RAB2A: variants seen among roughly 807,000 people sequenced by gnomAD.
RAB2A encodes ras-related protein Rab-2A.
Under a neutral mutation model 32.5 loss-of-function variants are expected in RAB2A, and 7 were observed. The ratio of observed to expected loss-of-function variants is 0.22; its 90% CI spans 0.12 to 0.40. The LOEUF is 0.40. Ranked by LOEUF, RAB2A falls within the 10% of genes least tolerant of loss-of-function variation. The pLI, the probability that RAB2A is intolerant of heterozygous loss-of-function variation, is 1.00. For synonymous variants in RAB2A, 79 were observed against 85.2 expected (o/e 0.93, Z 0.40); for missense variants, 108 against 260.7 (o/e 0.41, Z 4.03).
chr8:60,602,713 G>T (rs895443157), intron 6 of RAB2A, among the ~76,000 whole-genome samples: 1 of 152,188 alleles, frequency 6.6e-6, no homozygotes, highest in Non-Finnish European at 1.5e-5. Context: ...TAAATGTTAG[G>T]CATGCATGGC....
At chr8:60,548,508 C>G (rs867506043) in intron 1 of RAB2A, among the ~76,000 whole-genome samples, 1 of 39,432 alleles carries the variant, frequency 2.5e-5, no homozygotes, top group Non-Finnish European at 3.9e-5. Context: ...GCTGGCCGGG[C>G]GGGGGGCTGA....
intron 5 of RAB2A, among the ~76,000 whole-genome samples, chr8:60,586,226 A>C (rs1432851312): frequency 6.6e-6 from 1 of 152,110 alleles, no homozygotes; most frequent in East Asian, 1.9e-4. Flanking sequence ...ACTTGAGCCC[A>C]GTTGAGGCTG....
At chr8:60,547,704 C>T (rs1807761250) in intron 1 of RAB2A, among the ~76,000 whole-genome samples, 1 of 114,102 alleles carries the variant, frequency 8.8e-6, no homozygotes, top group African/African-American at 3.2e-5. Flanking sequence ...GGCGGGGGGG[C>T]TGACCCCCCC....
At chr8:60,539,743 G>C (rs2272621) in intron 1 of RAB2A, among the ~76,000 whole-genome samples, 81,044 of 151,998 alleles carry the variant, frequency 0.53, 24,466 homozygotes, top group African/African-American at 0.83. Flanking sequence ...GGGGGAATGC[G>C]TTTTTCCTCC....
intron 6 of RAB2A, among the ~76,000 whole-genome samples, chr8:60,608,052 C>T (rs952970146): frequency 2.6e-5 from 4 of 152,188 alleles, no homozygotes; most frequent in African/African-American, 9.7e-5. Context: ...CGGCCAAGGT[C>T]ATCCTGGTCT....
intron 6 of RAB2A, among the ~76,000 whole-genome samples, chr8:60,598,971 A>AAAAAAAAAAAAAAG (rs1563482794): frequency 7.0e-6 from 1 of 142,056 alleles, no homozygotes; most frequent in African/African-American, 2.7e-5. Flanking sequence ...AAAAAAGAAA[A>AAAAAAAAAAAAAAG]GGCATACAAC....
chr8:60,583,988 A>C lies in RAB2A; in HGVS notation c.187-220A>C, dbSNP rs1201296295. ...AGGTCTTGCGGGCTGGGGAGGTTGC[A>C]GGAGCGACTACATGTGCACTACATG... On this transcript the variant is annotated intron_variant, in intron 3 of 7. Transcript: ENST00000262646. The C allele has an allele frequency of 1.3e-5, 5 of 398,156 alleles. No homozygotes were observed. The South Asian group carries it at 1.3e-4, about 10-fold the overall frequency. The allele number at this position is 398,156 out of a possible 1,614,324, so 24.7% of individuals were successfully genotyped here.
rs1308899920 is a variant in RAB2A, at chr8:60,621,717, C to T, written c.*948C>T. ...CTTTTTTCTTTTATTCACATGATTT[C>T]TAAGTATATTTTTCATGCAGGACAG... is the stretch of plus-strand genomic sequence containing the variant. On this transcript the variant is annotated 3_prime_UTR_variant, in exon 8 of 8. Coordinates refer to ENST00000262646, the MANE Select transcript of RAB2A (RefSeq NM_002865.3). 1 of 152,082 alleles carries T rather than the reference C, an allele frequency of 6.6e-6. No homozygotes were observed. The highest frequency in any genetic ancestry group is 1.5e-5 in the Non-Finnish European group (1 of 68,002). 9.4% of individuals were successfully genotyped at this position (152,082 alleles called of 1,614,324 possible).
chr8:60,601,243 G>A (rs1804130112), intron 6 of RAB2A, among the ~76,000 whole-genome samples: 2 of 93,488 alleles, frequency 2.1e-5, no homozygotes, highest in African/African-American at 6.3e-5. Context: ...TCTGCACAGG[G>A]CAAACTTTTA....
At position 60,620,586 on chromosome 8, in the gene RAB2A, G is replaced by A. The variant is rs147957071; in HGVS notation, c.544-88G>A. 2.1e-4 allele frequency: 201 copies of A among 948,450 alleles called. No individual in the cohort carries two copies. In the African/African-American group the frequency reaches 2.9e-3, roughly 14 times the overall value. 58.8% of individuals were successfully genotyped at this position (948,450 alleles called of 1,614,324 possible). ...TTTTTCTCAGTTGTTTGATAAAATT[G>A]TATCATAAAGAATTAAATGAGTTTT... On this transcript the variant is annotated intron_variant, in intron 7 of 7. Coordinates refer to ENST00000262646, the MANE Select transcript of RAB2A (RefSeq NM_002865.3).
At chr8:60,536,226 A>T (rs1807554611) in intron 1 of RAB2A, among the ~76,000 whole-genome samples, 1 of 152,236 alleles carries the variant, frequency 6.6e-6, no homozygotes, top group Non-Finnish European at 1.5e-5. Context: ...TGTGTATATT[A>T]ACTGATGCCT....
chr8:60,590,195 A>T (rs891768096), intron 5 of RAB2A, among the ~76,000 whole-genome samples: 2 of 151,962 alleles, frequency 1.3e-5, no homozygotes, highest in Non-Finnish European at 2.9e-5. Context: ...TCCTAACCTG[A>T]GGTGATCCAC....
At chr8:60,588,993 T>A (rs73261240) in intron 5 of RAB2A, among the ~76,000 whole-genome samples, 9,769 of 152,248 alleles carry the variant, frequency 0.064, 813 homozygotes, top group African/African-American at 0.19. Flanking sequence ...CTTTCTTGGG[T>A]ATTCTTTTCC....
chr8:60,610,188 A>G lies in RAB2A; in HGVS notation c.475-8392A>G, dbSNP rs140929843. 2.5e-3 allele frequency among the ~76,000 whole-genome samples: 377 copies of G among 152,210 alleles called. 2 individuals are homozygous for G. The highest frequency in any genetic ancestry group is 8.5e-3 in the African/African-American group (354 of 41,514). ...TGAAGTACTAGATACCACCAAGACTATAGCTGAAAATACAACCAGCTAACC... is the reference window on the plus strand; with the variant it reads ...TGAAGTACTAGATACCACCAAGACTGTAGCTGAAAATACAACCAGCTAACC... On this transcript the variant is annotated intron_variant, in intron 6 of 7. Transcript: ENST00000262646.
intron 3 of RAB2A, 93 bp downstream of exon 3, chr8:60,572,206 A>G: frequency 1.1e-6 from 1 of 952,336 alleles, no homozygotes; most frequent in South Asian, 1.5e-5. Context: ...TATGCCTGTT[A>G]TGGTTTGTTA....
intron 2 of RAB2A, among the ~76,000 whole-genome samples, chr8:60,562,821 G>A (rs997434858): frequency 1.3e-5 from 2 of 152,032 alleles, no homozygotes; most frequent in African/African-American, 4.8e-5. Flanking sequence ...AAGAGTAAAG[G>A]GGTGCTTCTT....
At chr8:60,539,246 C>T (rs994454967) in intron 1 of RAB2A, among the ~76,000 whole-genome samples, 2 of 152,102 alleles carry the variant, frequency 1.3e-5, no homozygotes, top group Admixed American at 6.5e-5. Flanking sequence ...ATAAAAGTAC[C>T]ATGTGATAAG....
At chr8:60,603,107 T>A (rs1301623879) in intron 6 of RAB2A, among the ~76,000 whole-genome samples, 2 of 152,244 alleles carry the variant, frequency 1.3e-5, no homozygotes, top group African/African-American at 4.8e-5. Flanking sequence ...CTGTTTTTTA[T>A]AATCTGTTGA....
At chr8:60,525,495 G>A (rs1807364691) in intron 1 of RAB2A, among the ~76,000 whole-genome samples, 1 of 152,118 alleles carries the variant, frequency 6.6e-6, no homozygotes, top group South Asian at 2.1e-4. Context: ...CAAAGATCTA[G>A]GGGTGTCTGA....
Sources: gnomAD v4.1 joint callset for allele counts (sites outside exome capture counted in the v4.1 genomes callset) on GRCh38, gnomAD v4.1.1 for gene constraint, MANE v1.5 for transcripts, NCBI Gene and HGNC (gene_info 2026-07-23, HGNC 2026-07-21) for gene names.